The following SV2C variants were observed in gnomAD, a reference collection of about 807,000 sequenced individuals.
SV2C encodes synaptic vesicle glycoprotein 2C, also known as solute carrier family 22 member B3.
SV2C carries 49 observed loss-of-function variants against 79.7 expected under a neutral mutation model. The observed-to-expected ratio is 0.61, with a 90% CI of 0.49 to 0.78. SV2C has a LOEUF of 0.78. Among genes scored for constraint, SV2C ranks in the 30% least tolerant of loss-of-function variants. The pLI is 0.00. For synonymous variants in SV2C, 334 were observed against 333.2 expected (o/e 1.00, Z -0.03); for missense variants, 833 against 912.9 (o/e 0.91, Z 1.13).
In SV2C at chr5:76,329,145, G is replaced by A. The variant is rs1749098630; in HGVS notation, c.*3598G>A. ...ATAGGCACGCATAAAAAGAGTGTAGGAAGTTGTTTGGGAAGCCCGCATGGA... is the reference window on the plus strand; with the variant it reads ...ATAGGCACGCATAAAAAGAGTGTAGAAAGTTGTTTGGGAAGCCCGCATGGA... On this transcript the variant is annotated 3_prime_UTR_variant, in exon 13 of 13. Coordinates refer to ENST00000502798, the MANE Select transcript of SV2C (RefSeq NM_014979.4). 1 of 152,056 alleles carries A rather than the reference G, an allele frequency of 6.6e-6. No homozygotes were observed. Among genetic ancestry groups the A allele is most frequent in the Non-Finnish European group, 1.5e-5 (1 of 68,022 alleles). 9.4% of individuals were successfully genotyped at this position (152,056 alleles called of 1,614,324 possible). A position where few individuals can be genotyped will look rare whatever the true frequency, so the allele number is the denominator to read the frequency against.
At chr5:76,275,899 C>A (rs879640090) in intron 4 of SV2C, among the ~76,000 whole-genome samples, 5 of 152,182 alleles carry the variant, frequency 3.3e-5, no homozygotes, top group Admixed American at 1.3e-4. Flanking sequence ...TTAACAAAGT[C>A]CAAAGGATAA....
At chr5:76,197,933 G>C (rs1196786283) in intron 3 of SV2C, among the ~76,000 whole-genome samples, 2 of 152,174 alleles carry the variant, frequency 1.3e-5, no homozygotes, top group Non-Finnish European at 2.9e-5. Context: ...GGTGCTGCTA[G>C]TGCAAGTCCC....
intron 4 of SV2C, among the ~76,000 whole-genome samples, chr5:76,256,385 T>C (rs1367171985): frequency 6.6e-6 from 1 of 152,182 alleles, no homozygotes; most frequent in Non-Finnish European, 1.5e-5. Context: ...CACTCACGCA[T>C]GCAAGTGAAA....
intron 4 of SV2C, among the ~76,000 whole-genome samples, chr5:76,263,877 C>G (rs1561289050): frequency 6.6e-6 from 1 of 152,114 alleles, no homozygotes; most frequent in Non-Finnish European, 1.5e-5. Context: ...TCGTTTGAAC[C>G]TTGGAGAGTC....
chr5:75,956,043 T>C, the SV2C span, among the ~76,000 whole-genome samples: 1 of 144,232 alleles, frequency 6.9e-6, no homozygotes, highest in Non-Finnish European at 1.5e-5. Flanking sequence ...ATCCCATTAC[T>C]GGGTATATAC....
intron 1 of SV2C, among the ~76,000 whole-genome samples, chr5:76,119,570 T>C (rs1580280419): frequency 6.6e-6 from 1 of 151,832 alleles, no homozygotes; most frequent in East Asian, 1.9e-4. Context: ...ATCACCCACC[T>C]GAAATGGAAA....
At chr5:76,296,471 A>G (rs1580042629) in intron 9 of SV2C, among the ~76,000 whole-genome samples, 1 of 152,328 alleles carries the variant, frequency 6.6e-6, no homozygotes, top group Admixed American at 6.5e-5. Flanking sequence ...GGGCTTTGAA[A>G]GACGGAAGGG....
At chr5:75,863,249 T>C in the SV2C span, among the ~76,000 whole-genome samples, 4 of 152,174 alleles carry the variant, frequency 2.6e-5, no homozygotes, top group East Asian at 5.8e-4. Flanking sequence ...GCTGAGGTGA[T>C]GGGTGCAGCA....
chr5:75,910,985 G>A, the SV2C span: 6 of 939,698 alleles, frequency 6.4e-6, no homozygotes, highest in Non-Finnish European at 8.7e-6. Context: ...AACATCTATG[G>A]CCTCCAGTCC....
chr5:76,114,060 G>A (rs973157785), intron 1 of SV2C, among the ~76,000 whole-genome samples: 3 of 152,176 alleles, frequency 2.0e-5, no homozygotes, highest in Non-Finnish European at 2.9e-5. Context: ...CTAAGTAAAT[G>A]AATGCTCCAG....
chr5:76,311,569 T>C (rs1483566460), intron 12 of SV2C: 1 of 152,194 alleles, frequency 6.6e-6, no homozygotes, highest in Non-Finnish European at 1.5e-5. Flanking sequence ...TACAAGTCAT[T>C]GTATAGTCTT....
At chr5:75,901,459 G>A in the SV2C span, among the ~76,000 whole-genome samples, 1 of 152,182 alleles carries the variant, frequency 6.6e-6, no homozygotes. Flanking sequence ...TTGTCTCAGA[G>A]GAGTACCCGG....
At chr5:76,348,999 G>A (rs573212022) in intron 12 of SV2C, among the ~76,000 whole-genome samples, 6 of 150,918 alleles carry the variant, frequency 4.0e-5, no homozygotes, top group Admixed American at 1.3e-4. Flanking sequence ...ACTCTGTCTC[G>A]AAAAAGAGAA....
At chr5:76,097,319 A>G (rs1747599074) in intron 1 of SV2C, among the ~76,000 whole-genome samples, 1 of 152,220 alleles carries the variant, frequency 6.6e-6, no homozygotes, top group African/African-American at 2.4e-5. Context: ...CTACTTGTAA[A>G]TCAAGGGAAG....
At chr5:76,323,714 G>A (rs1350180953) in intron 12 of SV2C, among the ~76,000 whole-genome samples, 1 of 152,196 alleles carries the variant, frequency 6.6e-6, no homozygotes, top group Non-Finnish European at 1.5e-5. Context: ...CCATAAAAAA[G>A]GAATGAGATA....
At chr5:75,942,880 T>C in the SV2C span, among the ~76,000 whole-genome samples, 1 of 152,190 alleles carries the variant, frequency 6.6e-6, no homozygotes, top group Non-Finnish European at 1.5e-5. Context: ...AAACCTCATT[T>C]GGAGCCACAT....
chr5:76,144,826 T>A (rs939852666), intron 2 of SV2C, among the ~76,000 whole-genome samples: 1 of 44,456 alleles, frequency 2.2e-5, no homozygotes, highest in Non-Finnish European at 5.0e-5. Flanking sequence ...TGATAGGAGG[T>A]TTTTTTTTGT....
At chr5:75,949,287 A>G in the SV2C span, among the ~76,000 whole-genome samples, 23 of 152,160 alleles carry the variant, frequency 1.5e-4, no homozygotes, top group African/African-American at 5.5e-4. Context: ...TCACTGTCAG[A>G]TACTTCTTTA....
intron 4 of SV2C, among the ~76,000 whole-genome samples, chr5:76,248,332 C>A (rs1268615150): frequency 1.3e-5 from 2 of 152,192 alleles, no homozygotes; most frequent in African/African-American, 4.8e-5. Context: ...TCTGAGGCCT[C>A]TTTCCCTGGC....
Sources: gnomAD v4.1 joint callset for allele counts (sites outside exome capture counted in the v4.1 genomes callset) on GRCh38, gnomAD v4.1.1 for gene constraint, MANE v1.5 for transcripts, NCBI Gene and HGNC (gene_info 2026-07-23, HGNC 2026-07-21) for gene names.